Variants in NSD1 observed in about 807,000 individuals in gnomAD.
NSD1 encodes the protein nuclear receptor binding SET domain protein 1.
In NSD1, 26 loss-of-function variants were observed where a neutral mutation model predicts 242.7. The ratio of observed to expected loss-of-function variants is 0.11; its 90% CI spans 0.08 to 0.15. NSD1 has a LOEUF of 0.15. NSD1 is among the 10% of genes least tolerant of loss of function. The probability of loss-of-function intolerance (pLI) is 1.00; values close to 1 mark genes in which losing one functional copy is unlikely to be tolerated. For synonymous variants in NSD1, 1,106 were observed against 1,178.1 expected (o/e 0.94, Z 1.25); for missense variants, 2,495 against 3,272.8 (o/e 0.76, Z 5.80).
chr5:177,254,090 G>GC (rs1756226905), intron 12 of NSD1, among the ~76,000 whole-genome samples: 1 of 152,128 alleles, frequency 6.6e-6, no homozygotes, highest in African/African-American at 2.4e-5. Flanking sequence ...TGGGATTACA[G>GC]GCATGTGCCA....
At chr5:177,152,510 C>T (rs1216504284) in intron 2 of NSD1, among the ~76,000 whole-genome samples, 3 of 140,528 alleles carry the variant, frequency 2.1e-5, no homozygotes, top group Non-Finnish European at 4.6e-5. Context: ...GACGGAGTCT[C>T]CCTCTGTCGC....
chr5:177,251,182 T>A (rs1480494849), intron 11 of NSD1, among the ~76,000 whole-genome samples: 1 of 147,600 alleles, frequency 6.8e-6, no homozygotes, highest in African/African-American at 2.7e-5. Context: ...AGAGCAAGAC[T>A]TCCTCTCAAA....
Position 177,235,812 on chromosome 5 carries a change from A to AT in NSD1, c.3797-8dup, listed in dbSNP as rs750468932. 49 of 1,613,788 alleles carry AT rather than the reference A, an allele frequency of 3.0e-5. No individual in the cohort carries two copies. The highest frequency in any genetic ancestry group is 3.8e-5 in the Non-Finnish European group (45 of 1,179,888). ...TTGATTAATGTTGAATTTGTTTATC[A>AT]TCTTTTAGCTGTGCGGTCAGAGAAG... On this transcript the variant is annotated splice_polypyrimidine_tract_variant and intron_variant, in intron 5 of 22. Coordinates refer to ENST00000439151, the MANE Select transcript of NSD1 (RefSeq NM_022455.5).
chr5:177,229,148 T>C (rs1463126405), intron 5 of NSD1, among the ~76,000 whole-genome samples: 1 of 152,242 alleles, frequency 6.6e-6, no homozygotes, highest in East Asian at 1.9e-4. Context: ...ACCATAGATG[T>C]ATGCCTAATT....
chr5:177,242,748 C>T (rs537303619), intron 8 of NSD1, among the ~76,000 whole-genome samples: 403 of 152,130 alleles, frequency 2.6e-3, no homozygotes, highest in Non-Finnish European at 4.1e-3. Context: ...GGGCTGGTCT[C>T]GAACTCCCGA....
intron 2 of NSD1, among the ~76,000 whole-genome samples, chr5:177,165,005 A>G (rs1173398126): frequency 6.6e-6 from 1 of 151,752 alleles, no homozygotes; most frequent in African/African-American, 2.4e-5. Flanking sequence ...ATTGGCTTAC[A>G]CTTGTAATTC....
At chr5:177,199,614 T>TTTTCTTTTCTTTTCTTTTCTTTTC (rs761132790) in intron 3 of NSD1, among the ~76,000 whole-genome samples, 2,860 of 148,942 alleles carry the variant, frequency 0.019, 159 homozygotes, top group African/African-American at 0.064. Context: ...CTTTTCTTTT[T>TTTTCTTTTCTTTTCTTTTCTTTTC]TTTTGAGATG....
In NSD1 at chr5:177,163,528, T is replaced by C. The variant is rs376163533; in HGVS notation, c.927+27498T>C. The stretch of plus-strand genomic sequence containing the variant: ...GACAGGCCTCCATTTGAGACCATAC[T>C]TGAGTCCCGTGCTTGCCTTAGACAA... On this transcript the variant is annotated intron_variant, in intron 2 of 22. Transcript: ENST00000439151. Among the ~76,000 whole-genome samples, 6 of 152,312 alleles carry C rather than the reference T, an allele frequency of 3.9e-5. No homozygotes were observed. In the East Asian group the frequency reaches 9.6e-4, roughly 24 times the overall value.
At chr5:177,183,426 T>C (rs917462254) in intron 2 of NSD1, among the ~76,000 whole-genome samples, 3 of 152,206 alleles carry the variant, frequency 2.0e-5, no homozygotes, top group Non-Finnish European at 4.4e-5. Context: ...TTCATTATTC[T>C]TGGGTATTGT....
intron 5 of NSD1, among the ~76,000 whole-genome samples, chr5:177,215,036 A>G (rs1763660425): frequency 6.6e-6 from 1 of 151,996 alleles, no homozygotes; most frequent in African/African-American, 2.4e-5. Context: ...ATATTCCAAC[A>G]TACTTTTTCT....
At chr5:177,160,718 T>G (rs1758680977) in intron 2 of NSD1, among the ~76,000 whole-genome samples, 1 of 152,180 alleles carries the variant, frequency 6.6e-6, no homozygotes, top group Non-Finnish European at 1.5e-5. Flanking sequence ...TTTATTTATT[T>G]GTCACTCAGT....
At chr5:177,219,480 C>T (rs929680355) in intron 5 of NSD1, among the ~76,000 whole-genome samples, 5 of 152,146 alleles carry the variant, frequency 3.3e-5, no homozygotes, top group African/African-American at 1.2e-4. Flanking sequence ...CCACCGCGCC[C>T]GGCCCTGTCA....
At chr5:177,173,466 CTTTTTTTTTTT>C (rs768982432) in intron 2 of NSD1, among the ~76,000 whole-genome samples, 18 of 62,208 alleles carry the variant, frequency 2.9e-4, no homozygotes, top group African/African-American at 1.2e-3. Flanking sequence ...TACTATCTGG[CTTTTTTTTTTT>C]TTTTTTTTTT....
intron 2 of NSD1, among the ~76,000 whole-genome samples, chr5:177,140,833 A>G (rs1370301926): frequency 6.6e-6 from 1 of 152,158 alleles, no homozygotes; most frequent in East Asian, 1.9e-4. Flanking sequence ...GATGAGGCAG[A>G]TGATGTCTAA....
chr5:177,168,315 T>C (rs1251314779), intron 2 of NSD1, among the ~76,000 whole-genome samples: 12 of 152,140 alleles, frequency 7.9e-5, no homozygotes, highest in Admixed American at 4.6e-4. Context: ...TTTCAACTTA[T>C]GATATTTTTG....
At position 177,215,527 on chromosome 5, in the gene NSD1, G is replaced by A. The variant is rs1013494529; in HGVS notation, c.3796+3332G>A. Reference sequence around the variant, plus strand: ...TAGAATGGCATTGGTGGAACATAGGGTAATTCTACTTTTATTTTTATTTTT... The same window carrying A: ...TAGAATGGCATTGGTGGAACATAGGATAATTCTACTTTTATTTTTATTTTT... On this transcript the variant is annotated intron_variant, in intron 5 of 22. Transcript: ENST00000439151. Among the ~76,000 whole-genome samples the A allele has an allele frequency of 4.6e-5, 7 of 151,862 alleles. No individual in the cohort carries two copies. In the South Asian group the frequency reaches 6.2e-4, roughly 14 times the overall value.
chr5:177,272,687 T>C (rs770158037), intron 16 of NSD1, among the ~76,000 whole-genome samples: 1 of 152,104 alleles, frequency 6.6e-6, no homozygotes, highest in East Asian at 1.9e-4. Flanking sequence ...CTTAGGAGTT[T>C]AAGGCCAGAC....
At chr5:177,266,002 C>T (rs1757412206) in intron 14 of NSD1, 4 of 1,034,572 alleles carry the variant, frequency 3.9e-6, no homozygotes, top group South Asian at 1.3e-5. Context: ...CCTTGATGGC[C>T]ACATCTTTGA....
In NSD1 at chr5:177,195,840, A is replaced by G. The variant is rs539189254; in HGVS notation, c.1063+3821A>G. On this transcript the variant is annotated intron_variant, in intron 3 of 22. Coordinates refer to ENST00000439151, the MANE Select transcript of NSD1 (RefSeq NM_022455.5). ...ATTTGACAAATAGTAAATACCTTGT[A>G]TAGATTGAGTACTGTGCTAGGTTTT... 5.9e-5 allele frequency among the ~76,000 whole-genome samples: 9 copies of G among 152,254 alleles called. No individual in the cohort carries two copies. The South Asian group carries it at 1.7e-3, about 28-fold the overall frequency.
Sources: gnomAD v4.1 joint callset for allele counts (sites outside exome capture counted in the v4.1 genomes callset) on GRCh38, gnomAD v4.1.1 for gene constraint, MANE v1.5 for transcripts, NCBI Gene and HGNC (gene_info 2026-07-23, HGNC 2026-07-21) for gene names.